Variants in ENPP3 observed in about 807,000 individuals in gnomAD.
ENPP3 encodes ectonucleotide pyrophosphatase/phosphodiesterase 3.
Under a neutral mutation model 117.8 loss-of-function variants are expected in ENPP3, and 104 were observed. The ratio of observed to expected loss-of-function variants is 0.88; its 90% CI spans 0.75 to 1.04. The LOEUF (loss-of-function observed/expected upper bound fraction) is 1.04, where lower values mean the gene tolerates loss of function less well. Among genes scored for constraint, ENPP3 ranks in the 50% least tolerant of loss-of-function variants. ENPP3 has a pLI of 0.00. For synonymous variants in ENPP3, 380 were observed against 349.9 expected (o/e 1.09, Z -0.96); for missense variants, 1,026 against 1,051.9 (o/e 0.98, Z 0.34).
At chr6:131,656,483 G>A (rs142484809) in intron 5 of ENPP3, among the ~76,000 whole-genome samples, 6 of 152,130 alleles carry the variant, frequency 3.9e-5, no homozygotes, top group South Asian at 2.1e-4. Context: ...AAAGTTTGTC[G>A]TAGGCCGGGC....
rs544751045 is a variant in ENPP3 at position 131,679,155 on chromosome 6, C to T, written c.1011+1215C>T. 1.4e-4 allele frequency among the ~76,000 whole-genome samples: 21 copies of T among 150,052 alleles called. 1 individual carries two copies. Among genetic ancestry groups the T allele is most frequent in the South Asian group, 8.4e-4 (4 of 4,764 alleles). On this transcript the variant is annotated intron_variant, in intron 11 of 24. Transcript: ENST00000357639. ...TGTCACCCAGGCTGGAATGCAGTGG[C>T]GCAATCTCAGCTCTCTGCAACCTCC...
chr6:131,688,336 A>G (rs1254726685), intron 14 of ENPP3, among the ~76,000 whole-genome samples: 1 of 152,222 alleles, frequency 6.6e-6, no homozygotes, highest in African/African-American at 2.4e-5. Context: ...TAATGCTACA[A>G]TGGCTTCTAA....
chr6:131,656,617 A>G (rs1482895683), intron 5 of ENPP3, among the ~76,000 whole-genome samples: 1 of 152,078 alleles, frequency 6.6e-6, no homozygotes, highest in Non-Finnish European at 1.5e-5. Flanking sequence ...AATACAAAAA[A>G]TTAGCCGGGT....
chr6:131,681,006 AG>A (rs1779011594), intron 11 of ENPP3, among the ~76,000 whole-genome samples: 1 of 151,966 alleles, frequency 6.6e-6, no homozygotes, highest in Non-Finnish European at 1.5e-5. Flanking sequence ...GCCATATGCC[AG>A]GGTGCTGGCA....
At chr6:131,679,725 A>G (rs1214245247) in intron 11 of ENPP3, among the ~76,000 whole-genome samples, 1 of 152,126 alleles carries the variant, frequency 6.6e-6, no homozygotes, top group Non-Finnish European at 1.5e-5. Context: ...AAGTGGTCTT[A>G]TTGAGGAAAG....
intron 17 of ENPP3, among the ~76,000 whole-genome samples, chr6:131,721,107 C>T (rs927275785): frequency 6.6e-6 from 1 of 152,152 alleles, no homozygotes; most frequent in African/African-American, 2.4e-5. Context: ...TGTTATTATA[C>T]TCAATGTTAA....
intron 2 of ENPP3, among the ~76,000 whole-genome samples, chr6:131,645,154 C>T (rs1778129528): frequency 6.6e-6 from 1 of 152,236 alleles, no homozygotes; most frequent in Non-Finnish European, 1.5e-5. Context: ...GGCTTTAGTT[C>T]CTCACAATCA....
In ENPP3 at chr6:131,652,886, A is replaced by G. The variant is rs755312144; in HGVS notation, c.459A>G (p.Pro153=). ...NCDTAQQSQC[P]EGFDLPPVIL... ...ACACAGCCCAGCAGTCTCAGTGCCC[A>G]GAAGGGTGAGCATGACTGATACAGG... The change falls in exon 5 of 25, where the codon CCA becomes CCG. Residue 153 remains proline, a synonymous_variant. Coordinates refer to ENST00000357639, the MANE Select transcript of ENPP3 (RefSeq NM_005021.5). The G allele has an allele frequency of 6.2e-7, 1 of 1,609,186 alleles. No homozygotes were observed. Among genetic ancestry groups the G allele is most frequent in the South Asian group, 1.1e-5 (1 of 90,990 alleles).
intron 21 of ENPP3, 86 bp downstream of exon 21, chr6:131,733,809 C>T: frequency 7.2e-7 from 1 of 1,380,416 alleles, no homozygotes; most frequent in Non-Finnish European, 1.0e-6. Flanking sequence ...ATACTCCCCA[C>T]CAAAACTACC....
intron 11 of ENPP3, among the ~76,000 whole-genome samples, chr6:131,678,950 TTTCTTTCTTTCCTTCC>T (rs1267615485): frequency 2.0e-5 from 2 of 101,360 alleles, no homozygotes; most frequent in African/African-American, 1.3e-4. Context: ...TCTTTCTTTC[TTTCTTTCTTTCCTTCC>T]TTCCTTCCTT....
intron 12 of ENPP3, 67 bp from the exon 13 acceptor site, chr6:131,685,297 A>G: frequency 1.5e-6 from 2 of 1,345,296 alleles, no homozygotes; most frequent in Non-Finnish European, 2.1e-6. Flanking sequence ...TCTATTTGAC[A>G]AGACAGAAAT....
chr6:131,737,015 T>G (rs528607816), intron 21 of ENPP3, among the ~76,000 whole-genome samples: 2 of 152,256 alleles, frequency 1.3e-5, no homozygotes, highest in South Asian at 4.1e-4. Context: ...TCCTTCTCCT[T>G]ATTAAGACAC....
chr6:131,672,541 G>A (rs183488412), intron 7 of ENPP3, among the ~76,000 whole-genome samples: 30 of 152,088 alleles, frequency 2.0e-4, no homozygotes, highest in East Asian at 7.7e-4. Context: ...CAAAAATGTC[G>A]TAATCAGAGG....
chr6:131,663,524 CAA>C (rs766427836), intron 6 of ENPP3, among the ~76,000 whole-genome samples: 14 of 83,572 alleles, frequency 1.7e-4, no homozygotes, highest in Non-Finnish European at 1.8e-4. Flanking sequence ...CTGTCTCTAC[CAA>C]AAAAAAAAAA....
chr6:131,725,727 T>A (rs2114540592), intron 19 of ENPP3, among the ~76,000 whole-genome samples: 1 of 152,304 alleles, frequency 6.6e-6, no homozygotes, highest in Middle Eastern at 3.4e-3. Context: ...TCCTCTGAGC[T>A]GTAAAATGTA....
chr6:131,693,680 A>G, intron 15 of ENPP3, 56 bp downstream of exon 15: 1 of 1,542,286 alleles, frequency 6.5e-7, no homozygotes. Context: ...TTGTCATTAT[A>G]AGTCTACTTA....
intron 24 of ENPP3, among the ~76,000 whole-genome samples, chr6:131,744,564 C>T (rs578256138): frequency 1.3e-5 from 2 of 152,282 alleles, no homozygotes; most frequent in East Asian, 1.9e-4. Flanking sequence ...AAAGGAGGAA[C>T]TTCAGAAGCC....
In ENPP3 at chr6:131,737,503, AT is replaced by A. The variant is rs148750412; in HGVS notation, c.2167+78del. ...CCTTGAACTTCCAAACTAAACACAT[AT>A]TTTTTTAATTGCAATTTGTTCCTGA... On this transcript the variant is annotated intron_variant, in intron 22 of 24. Transcript: ENST00000357639. 1,393 of 851,824 alleles carry A rather than the reference AT, an allele frequency of 1.6e-3. 8 individuals are homozygous for A. In the African/African-American group the frequency reaches 0.02, roughly 12 times the overall value. 52.8% of individuals were successfully genotyped at this position (851,824 alleles called of 1,614,324 possible). A position where few individuals can be genotyped will look rare whatever the true frequency, so the allele number is the denominator to read the frequency against.
chr6:131,696,135 A>G (rs1377816883), intron 15 of ENPP3, among the ~76,000 whole-genome samples: 2 of 152,190 alleles, frequency 1.3e-5, no homozygotes, highest in African/African-American at 2.4e-5. Flanking sequence ...TTTACCTAAA[A>G]TGTGTTAGAT....
Sources: allele counts gnomAD v4.1 joint callset (sites outside exome capture counted in the v4.1 genomes callset), GRCh38; gene constraint gnomAD v4.1.1; transcripts MANE v1.5; gene names NCBI Gene and HGNC (gene_info 2026-07-23, HGNC 2026-07-21).